Variants in SVEP1 observed in about 807,000 individuals in gnomAD.
SVEP1 encodes sushi, von Willebrand factor type A, EGF and pentraxin domain containing 1, also known as sushi, von Willebrand factor type A, EGF and pentraxin domain-containing protein 1.
A neutral mutation model predicts 367.3 loss-of-function variants in SVEP1; 164 were observed. That is an observed-to-expected ratio of 0.45 (90% CI 0.39 to 0.51). SVEP1 has a LOEUF of 0.51. Among genes scored for constraint, SVEP1 ranks in the 20% least tolerant of loss-of-function variants. The probability of loss-of-function intolerance (pLI) is 0.00; values close to 1 mark genes in which losing one functional copy is unlikely to be tolerated. For synonymous variants in SVEP1, 1,666 were observed against 1,611.6 expected, an observed-to-expected ratio of 1.03 and a Z score of -0.81; for missense variants, 4,117 against 4,425.3, an observed-to-expected ratio of 0.93 and a Z score of 1.98.
chr9:110,539,260 C>G (rs1830115363), intron 3 of SVEP1, among the ~76,000 whole-genome samples: 1 of 151,914 alleles, frequency 6.6e-6, no homozygotes, highest in Non-Finnish European at 1.5e-5. Context: ...GGAAAGGGAG[C>G]CAGAAAATGC....
chr9:110,489,667 A>G lies in SVEP1; in HGVS notation c.1913T>C (p.Phe638Ser). 6.2e-7 allele frequency: 1 copy of G among 1,613,058 alleles called. No homozygotes were observed. Among genetic ancestry groups the G allele is most frequent in the Non-Finnish European group, 8.5e-7 (1 of 1,179,396 alleles). The change falls in exon 9 of 48, where the codon TTC becomes TCC. Residue 638 changes from phenylalanine to serine, a missense_variant. Physicochemically the swap from Phe to Ser is radical, Grantham distance 155. Around this residue, in one of 4 missense-constraint regions of SVEP1, gnomAD observed 2,174 missense variants for 2,494.3 expected, o/e 0.87. Transcript: ENST00000374469. ...TCACTTACCAATAACCTTGATATGGAAAATGCAGCTGGCCTGGTTGCCGGA... is the reference window on the plus strand; with the variant it reads ...TCACTTACCAATAACCTTGATATGGGAAATGCAGCTGGCCTGGTTGCCGGA... ...DLSGNQASCI[F>S]HIKVIDAEPP...
intron 31 of SVEP1, 151 bp downstream of exon 31, chr9:110,432,311 T>G (rs1828362903): frequency 1.9e-6 from 2 of 1,035,770 alleles, no homozygotes; most frequent in Non-Finnish European, 2.7e-6. Flanking sequence ...CACCTCTACA[T>G]ACAGCTGCTT....
At chr9:110,447,761 TTGCACAAGG>T (rs1564145446) in intron 24 of SVEP1, among the ~76,000 whole-genome samples, 2 of 152,206 alleles carry the variant, frequency 1.3e-5, no homozygotes, top group Non-Finnish European at 2.9e-5. Flanking sequence ...TAGGAGATAA[TTGCACAAGG>T]TGCACAGGGA....
chr9:110,405,934 G>A (rs930844266), intron 38 of SVEP1, among the ~76,000 whole-genome samples: 5 of 152,172 alleles, frequency 3.3e-5, no homozygotes, highest in Non-Finnish European at 7.3e-5. Context: ...TGATAGTCAT[G>A]ATAATTATAT....
In SVEP1 at chr9:110,471,448, G is replaced by C; in HGVS notation, c.2914C>G (p.Leu972Val). 1 of 1,613,960 alleles carries C rather than the reference G, an allele frequency of 6.2e-7. No individual in the cohort carries two copies. Among genetic ancestry groups the C allele is most frequent in the Non-Finnish European group, 8.5e-7 (1 of 1,179,886 alleles). ...MYSFQLASEI[L>V]IADSNSLETK... is the part of the protein sequence containing the mutation. ...TCTAATGAATTGCTGTCGGCTATAA[G>C]TATTTCTGATGCAAGCTGAAAGGAA... The change falls in exon 16 of 48, where the codon CTT becomes GTT. Residue 972 changes from leucine to valine, a missense_variant. Leu to Val is a conservative substitution (Grantham distance 32). This residue lies in a region of SVEP1 where 2,174 missense variants were observed against 2,494.3 expected (regional missense o/e 0.87). Transcript: ENST00000374469.
At chr9:110,533,368 G>T (rs1830043371) in intron 3 of SVEP1, among the ~76,000 whole-genome samples, 1 of 152,088 alleles carries the variant, frequency 6.6e-6, no homozygotes. Context: ...TCATAGACTA[G>T]GAAACTCATG....
rs545883131 is a variant in SVEP1, at chr9:110,479,831, T to C, written c.2366-75A>G. On this transcript the variant is annotated intron_variant, in intron 12 of 47. Transcript: ENST00000374469. Reference sequence around the variant, plus strand: ...AAAGATTTGACTTTCTATGAAATAATTGAAACAATGTTTTAATTCTAACAT... The same window carrying C: ...AAAGATTTGACTTTCTATGAAATAACTGAAACAATGTTTTAATTCTAACAT... 8.8e-5 allele frequency: 135 copies of C among 1,541,726 alleles called. No homozygotes were observed. In the Middle Eastern group the frequency reaches 2.9e-3, roughly 33 times the overall value.
At chr9:110,457,231 A>G (rs1042534510) in intron 21 of SVEP1, 25 bp downstream of exon 21, 2 of 1,522,702 alleles carry the variant, frequency 1.3e-6, no homozygotes, top group Non-Finnish European at 1.8e-6. Flanking sequence ...ATATATTAAA[A>G]TCTACATTCC....
intron 1 of SVEP1, 62 bp downstream of exon 1, chr9:110,578,951 G>A: frequency 6.6e-7 from 1 of 1,515,204 alleles, no homozygotes; most frequent in East Asian, 2.5e-5. Flanking sequence ...GAGACGGGCA[G>A]GCAGCGGTGG....
chr9:110,389,632 T>C (rs772841147), intron 40 of SVEP1, 45 bp from the exon 41 acceptor site: 17 of 1,603,502 alleles, frequency 1.1e-5, no homozygotes, highest in Middle Eastern at 3.3e-4. Context: ...AACTCTACAA[T>C]AGAAAGATAA....
At chr9:110,550,516 A>G (rs1200674983) in intron 1 of SVEP1, among the ~76,000 whole-genome samples, 1 of 150,946 alleles carries the variant, frequency 6.6e-6, no homozygotes, top group Admixed American at 6.6e-5. Context: ...CTATCTATCT[A>G]TCTATCTATC....
chr9:110,481,186 G>A (rs1208148159), intron 12 of SVEP1, 56 bp downstream of exon 12: 7 of 1,263,578 alleles, frequency 5.5e-6, no homozygotes, highest in South Asian at 6.0e-5. Context: ...TTAACACTTA[G>A]AAATGTACAC....
chr9:110,467,636 C>CTTT (rs11366981), intron 17 of SVEP1, among the ~76,000 whole-genome samples: 1 of 133,942 alleles, frequency 7.5e-6, no homozygotes, highest in Non-Finnish European at 1.6e-5. Flanking sequence ...GTCTTTTTTA[C>CTTT]TTTTTTTTTT....
rs757782569 is a variant in SVEP1 at position 110,406,473 on chromosome 9, C to T, written c.9127G>A (p.Glu3043Lys). 1.9e-6 allele frequency: 3 copies of T among 1,613,844 alleles called. No individual in the cohort carries two copies. The highest frequency in any genetic ancestry group is 2.5e-6 in the Non-Finnish European group (3 of 1,179,902). The stretch of plus-strand genomic sequence containing the variant: ...TGGCCATCGGCTTCACAGGTGATTT[C>T]AGAAAGTCCTAGGAGCTTGAAGCCT... ...FKGFKLLGLS[E>K]ITCEADGQWS... The change falls in exon 38 of 48, where the codon GAA (glutamate) becomes AAA (lysine). Residue 3043 changes from glutamate to lysine, a missense_variant. Physicochemically the swap from Glu to Lys is moderately conservative, Grantham distance 56. Coordinates refer to ENST00000374469, the MANE Select transcript of SVEP1 (RefSeq NM_153366.4).
chr9:110,482,206 A>G (rs999025732), intron 11 of SVEP1, among the ~76,000 whole-genome samples, 155 bp downstream of exon 11: 2 of 152,252 alleles, frequency 1.3e-5, no homozygotes, highest in African/African-American at 4.8e-5. Flanking sequence ...TCACAAGGTC[A>G]AGGAATGACA....
chr9:110,478,385 A>G (rs1363698350), intron 13 of SVEP1, among the ~76,000 whole-genome samples: 1 of 152,234 alleles, frequency 6.6e-6, no homozygotes, highest in Non-Finnish European at 1.5e-5. Context: ...CCTAGTGTCT[A>G]GAATAGGACA....
chr9:110,375,417 A>C lies in SVEP1; in HGVS notation c.10551T>G (p.Pro3517=), dbSNP rs771363751. ...PCLNGGRCVA[P]YQCDCPPGWT... The stretch of plus-strand genomic sequence containing the variant: ...AGCCAGGCGGGCAGTCACACTGGTA[A>C]GGGGCCACACAGCGACCTCCGTTCA... The change falls in exon 46 of 48, where the codon CCT becomes CCG. Residue 3517 remains proline, a synonymous_variant. Transcript: ENST00000374469. 4 of 1,457,234 alleles carry C rather than the reference A, an allele frequency of 2.7e-6. No individual in the cohort carries two copies. In the South Asian group the frequency reaches 4.9e-5, roughly 18 times the overall value. 90.3% of individuals were successfully genotyped at this position (1,457,234 alleles called of 1,614,324 possible).
intron 10 of SVEP1, 92 bp from the exon 11 acceptor site, chr9:110,482,584 T>C (rs1588074840): frequency 4.2e-6 from 6 of 1,432,696 alleles, no homozygotes; most frequent in South Asian, 1.4e-5. Flanking sequence ...TGGAGTGCAA[T>C]GGCATGATCT....
At chr9:110,472,538 A>C (rs1829037280) in intron 14 of SVEP1, among the ~76,000 whole-genome samples, 1 of 152,228 alleles carries the variant, frequency 6.6e-6, no homozygotes, top group Admixed American at 6.5e-5. Context: ...TACTAAAAGA[A>C]GAAAGAAAAG....
Sources: allele counts gnomAD v4.1 joint callset (sites outside exome capture counted in the v4.1 genomes callset), GRCh38; gene constraint gnomAD v4.1.1; regional missense constraint gnomAD v4.1.1; transcripts MANE v1.5; gene names NCBI Gene and HGNC (gene_info 2026-07-23, HGNC 2026-07-21).